The following GNAL variants were observed in gnomAD, a reference collection of about 807,000 sequenced individuals.
GNAL encodes the protein guanine nucleotide-binding protein G(olf) subunit alpha.
GNAL carries 18 observed loss-of-function variants against 55.1 expected under a neutral mutation model. That is an observed-to-expected ratio of 0.33 (90% CI 0.23 to 0.48). GNAL has a LOEUF of 0.48. Among genes scored for constraint, GNAL ranks in the 20% least tolerant of loss-of-function variants. The pLI, the probability that GNAL is intolerant of heterozygous loss-of-function variation, is 0.99. For missense variants in GNAL, 412 were observed against 614.1 expected, an observed-to-expected ratio of 0.67 and a Z score of 3.48; for synonymous variants, 253 against 237.0, an observed-to-expected ratio of 1.07 and a Z score of -0.62.
intron 5 of GNAL, among the ~76,000 whole-genome samples, chr18:11,826,156 C>T (rs2035238065): frequency 6.6e-6 from 1 of 152,156 alleles, no homozygotes; most frequent in South Asian, 2.1e-4. Context: ...TCTACTTCCA[C>T]TCACCATCCC....
chr18:11,839,175 G>A (rs1177105625), intron 5 of GNAL, among the ~76,000 whole-genome samples: 2 of 152,184 alleles, frequency 1.3e-5, no homozygotes, highest in Non-Finnish European at 2.9e-5. Context: ...CTTGTTACAT[G>A]AATAGATTTT....
At chr18:11,812,732 T>C (rs1385287520) in intron 4 of GNAL, among the ~76,000 whole-genome samples, 1 of 151,518 alleles carries the variant, frequency 6.6e-6, no homozygotes, top group Non-Finnish European at 1.5e-5. Flanking sequence ...TAATCCCAGC[T>C]ACTCGGGAGG....
In GNAL at chr18:11,752,401, C is replaced by T. The variant is rs781125699; in HGVS notation, c.377-452C>T. On this transcript the variant is annotated intron_variant, in intron 1 of 11. Coordinates refer to ENST00000334049, the MANE Select transcript of GNAL (RefSeq NM_182978.4). The surrounding 1 kb of genome is among the most constrained non-coding windows in gnomAD (Gnocchi z 4.5). ...TCTCTATTGCTTTTTGCGCACATTCCTAACTTCCTGACGTCCATCCCAGCG... is the reference window on the plus strand; with the variant it reads ...TCTCTATTGCTTTTTGCGCACATTCTTAACTTCCTGACGTCCATCCCAGCG... 1 of 1,588,300 alleles carries T rather than the reference C, an allele frequency of 6.3e-7. No individual in the cohort carries two copies. The highest frequency in any genetic ancestry group is 1.4e-5 in the African/African-American group (1 of 72,316).
At chr18:11,789,507 G>C (rs552569163) in intron 4 of GNAL, among the ~76,000 whole-genome samples, 1 of 152,168 alleles carries the variant, frequency 6.6e-6, no homozygotes, top group Non-Finnish European at 1.5e-5. Context: ...GTAACTCCAT[G>C]TGCATATAAC....
chr18:11,822,406 A>G (rs1453337030), intron 4 of GNAL, among the ~76,000 whole-genome samples: 9 of 152,128 alleles, frequency 5.9e-5, no homozygotes, highest in Admixed American at 5.9e-4. Flanking sequence ...AGAGTTGGAG[A>G]CCAGCTTGGG....
At chr18:11,872,994 A>T (rs571005278) in intron 10 of GNAL, among the ~76,000 whole-genome samples, 1 of 152,286 alleles carries the variant, frequency 6.6e-6, no homozygotes, top group Non-Finnish European at 1.5e-5. Flanking sequence ...AGGCCACCTG[A>T]GACTGAGGGG....
At chr18:11,695,922 G>GCACGCACGCGCACA (rs968123360) in intron 1 of GNAL, among the ~76,000 whole-genome samples, 36 of 136,100 alleles carry the variant, frequency 2.6e-4, no homozygotes, top group African/African-American at 1.0e-3. Flanking sequence ...ATGCACGCAT[G>GCACGCACGCGCACA]CACACACACA....
At chr18:11,748,896 G>A (rs1253121969) in intron 1 of GNAL, among the ~76,000 whole-genome samples, 1 of 152,124 alleles carries the variant, frequency 6.6e-6, no homozygotes, top group Non-Finnish European at 1.5e-5. Context: ...AGGCCGAGGC[G>A]GTTGGATCAC....
intron 4 of GNAL, among the ~76,000 whole-genome samples, chr18:11,797,502 G>T (rs544996108): frequency 3.9e-5 from 6 of 152,268 alleles, no homozygotes; most frequent in African/African-American, 1.2e-4. Context: ...AGCACTTTGG[G>T]AGGCTGAGAG....
chr18:11,847,035 A>AAT (rs1567889862), intron 5 of GNAL, among the ~76,000 whole-genome samples: 3 of 151,232 alleles, frequency 2.0e-5, no homozygotes, highest in Admixed American at 6.6e-5. Context: ...TGTAATGTAT[A>AAT]ATATATATAT....
intron 5 of GNAL, chr18:11,852,084 A>C: frequency 6.2e-7 from 1 of 1,607,626 alleles, no homozygotes; most frequent in Non-Finnish European, 8.5e-7. Flanking sequence ...TGTCTCAGAG[A>C]CTGGCCCGCC....
intron 1 of GNAL, among the ~76,000 whole-genome samples, chr18:11,744,421 G>GT (rs1220479888): frequency 6.6e-6 from 1 of 152,140 alleles, no homozygotes; most frequent in African/African-American, 2.4e-5. Context: ...TTATCATGAT[G>GT]TTTTTTAAGT....
Position 11,752,663 on chromosome 18 carries a change from C to A in GNAL, c.377-190C>A. The stretch of plus-strand genomic sequence containing the variant: ...CGAGCGCCAGGCTGGGCGGGCAGGG[C>A]CGGGCGAGGGTCGCGCGCACCTCTG... On this transcript the variant is annotated intron_variant, in intron 1 of 11. Transcript: ENST00000334049. This position sits in a 1 kb window ranked among gnomAD's most constrained non-coding sequence, Gnocchi z 4.5. 2 of 1,344,876 alleles carry A rather than the reference C, an allele frequency of 1.5e-6. No homozygotes were observed. The highest frequency in any genetic ancestry group is 1.7e-5 in the South Asian group (1 of 58,710). The allele number at this position is 1,344,876 out of a possible 1,614,324, so 83.3% of individuals were successfully genotyped here.
intron 4 of GNAL, among the ~76,000 whole-genome samples, chr18:11,768,902 A>AT (rs1568018345): frequency 2.8e-4 from 36 of 130,442 alleles, no homozygotes; most frequent in African/African-American, 6.7e-4. Flanking sequence ...TCAAAAAAAA[A>AT]AAAAAATATA....
intron 4 of GNAL, among the ~76,000 whole-genome samples, chr18:11,770,875 G>A (rs1039145668): frequency 1.3e-5 from 2 of 151,820 alleles, no homozygotes; most frequent in African/African-American, 2.4e-5. Flanking sequence ...CTTAAATCAC[G>A]TGGCATCAGC....
intron 1 of GNAL, among the ~76,000 whole-genome samples, chr18:11,727,110 C>G (rs2032229974): frequency 6.6e-6 from 1 of 152,034 alleles, no homozygotes; most frequent in South Asian, 2.1e-4. Flanking sequence ...CAGTGTGGGC[C>G]CTTCCCTGCT....
rs1372056474 is a variant in GNAL, at chr18:11,758,979, C to T, written c.624+5034C>T. Among the ~76,000 whole-genome samples the T allele has an allele frequency of 4.0e-5, 6 of 151,834 alleles. No homozygotes were observed. In the East Asian group the frequency reaches 1.2e-3, roughly 29 times the overall value. On this transcript the variant is annotated intron_variant, in intron 4 of 11. Coordinates refer to ENST00000334049, the MANE Select transcript of GNAL (RefSeq NM_182978.4). ...CCTGAGGTCAGGAGTTTGAGACCAG[C>T]CTGGCCAACGTGGTGAAACCCCGTC...
chr18:11,717,492 G>A (rs1448961300), intron 1 of GNAL, among the ~76,000 whole-genome samples: 1 of 152,232 alleles, frequency 6.6e-6, no homozygotes, highest in African/African-American at 2.4e-5. Flanking sequence ...ATATGCACAC[G>A]AATGTTCATT....
rs1234928482 is a variant in GNAL at position 11,795,097 on chromosome 18, C to T, written c.625-29821C>T. The stretch of plus-strand genomic sequence containing the variant: ...ACCTCAGGTGATCTGCCCATCTCAA[C>T]CTCCCAAAGTGCTGGGATTACAGGT... On this transcript the variant is annotated intron_variant, in intron 4 of 11. Transcript: ENST00000334049. 5.9e-5 allele frequency among the ~76,000 whole-genome samples: 9 copies of T among 152,042 alleles called. No homozygotes were observed. In the East Asian group the frequency reaches 1.8e-3, roughly 30 times the overall value.
Sources: allele counts gnomAD v4.1 joint callset (sites outside exome capture counted in the v4.1 genomes callset), GRCh38; gene constraint gnomAD v4.1.1; non-coding constraint Gnocchi (gnomAD v3.1); transcripts MANE v1.5; gene names NCBI Gene and HGNC (gene_info 2026-07-23, HGNC 2026-07-21).